MYO18B: variants seen among roughly 807,000 people sequenced by gnomAD.
MYO18B encodes unconventional myosin-XVIIIb.
A neutral mutation model predicts 273.0 loss-of-function variants in MYO18B; 204 were observed. That is an observed-to-expected ratio of 0.75 (90% CI 0.67 to 0.84). The LOEUF (loss-of-function observed/expected upper bound fraction) is 0.84. Ranked by LOEUF, MYO18B falls within the 40% of genes least tolerant of loss-of-function variation. The pLI is 0.00. For missense variants in MYO18B, 3,212 were observed against 3,287.6 expected (o/e 0.98, Z 0.56); for synonymous variants, 1,330 against 1,305.7 (o/e 1.02, Z -0.40).
At chr22:25,810,319 C>T (rs1006184254) in intron 12 of MYO18B, among the ~76,000 whole-genome samples, 21 of 150,132 alleles carry the variant, frequency 1.4e-4, no homozygotes, top group African/African-American at 5.2e-4. Context: ...AGGATGGTCT[C>T]GAGCTCCTGA....
At chr22:25,787,278 A>G (rs1399800807) in intron 11 of MYO18B, among the ~76,000 whole-genome samples, 10 of 7,486 alleles carry the variant, frequency 1.3e-3, no homozygotes, top group Middle Eastern at 0.083. Context: ...GCGCGCACAC[A>G]CACACACACA....
At chr22:25,999,918 G>C (rs1360793413) in intron 40 of MYO18B, among the ~76,000 whole-genome samples, 3 of 152,148 alleles carry the variant, frequency 2.0e-5, no homozygotes, top group African/African-American at 7.2e-5. Flanking sequence ...CTCCCAAAGT[G>C]CTGGGATTAC....
chr22:25,750,064 C>T (rs770740344), intron 1 of MYO18B, among the ~76,000 whole-genome samples: 4 of 152,174 alleles, frequency 2.6e-5, no homozygotes, highest in Non-Finnish European at 5.9e-5. Flanking sequence ...TCCTATCTGG[C>T]GCTTTACAGA....
chr22:26,004,908 G>C, intron 42 of MYO18B, 53 bp downstream of exon 42: 1 of 1,601,348 alleles, frequency 6.2e-7, no homozygotes, highest in Non-Finnish European at 8.5e-7. Flanking sequence ...AAGAATCTCA[G>C]ACTTTGAAAG....
intron 39 of MYO18B, among the ~76,000 whole-genome samples, chr22:25,968,058 C>T (rs2092997671): frequency 6.6e-6 from 1 of 152,176 alleles, no homozygotes; most frequent in African/African-American, 2.4e-5. Context: ...CATTCTCAGA[C>T]AGGCTTTCCC....
chr22:25,896,590 T>A (rs2091807752), intron 28 of MYO18B: 1 of 152,206 alleles, frequency 6.6e-6, no homozygotes, highest in African/African-American at 2.4e-5. Context: ...ACATTACAAA[T>A]CTAATGCAAT....
At chr22:25,912,156 G>A (rs2092170663) in intron 33 of MYO18B, among the ~76,000 whole-genome samples, 1 of 152,196 alleles carries the variant, frequency 6.6e-6, no homozygotes, top group African/African-American at 2.4e-5. Context: ...AAAACAAATT[G>A]ATTTAATGAG....
chr22:26,029,234 G>A (rs1936522555), intron 43 of MYO18B, among the ~76,000 whole-genome samples: 1 of 152,186 alleles, frequency 6.6e-6, no homozygotes, highest in Non-Finnish European at 1.5e-5. Context: ...TGCAGCTCAA[G>A]GCTCTGATGG....
At chr22:25,920,665 A>G (rs2092327389) in intron 33 of MYO18B, among the ~76,000 whole-genome samples, 1 of 152,258 alleles carries the variant, frequency 6.6e-6, no homozygotes, top group Admixed American at 6.5e-5. Context: ...CTTCAAAAGG[A>G]GCACATTTAC....
the MYO18B span, among the ~76,000 whole-genome samples, chr22:26,062,449 G>T: frequency 6.6e-6 from 1 of 152,116 alleles, no homozygotes; most frequent in East Asian, 1.9e-4. Flanking sequence ...TATTGGAATA[G>T]AAACCAAGCC....
intron 17 of MYO18B, among the ~76,000 whole-genome samples, chr22:25,838,479 C>T (rs2089973729): frequency 6.6e-6 from 1 of 152,228 alleles, no homozygotes; most frequent in South Asian, 2.1e-4. Flanking sequence ...GGATTACACA[C>T]ACACAGTCAT....
At chr22:25,844,061 T>C (rs936599322) in intron 18 of MYO18B, among the ~76,000 whole-genome samples, 167 bp downstream of exon 18, 10 of 152,320 alleles carry the variant, frequency 6.6e-5, no homozygotes, top group Middle Eastern at 3.4e-3. Flanking sequence ...AGCAGTGCAG[T>C]GTCTCCCTGG....
Position 25,908,330 on chromosome 22 carries a change from G to C in MYO18B, c.5157G>C (p.Gln1719His). 6.3e-7 allele frequency: 1 copy of C among 1,583,656 alleles called. No homozygotes were observed. The highest frequency in any genetic ancestry group is 1.7e-4 in the Middle Eastern group (1 of 6,036). The change falls in exon 32 of 44, where the codon CAG becomes CAC. Residue 1719 changes from glutamine (Q) to histidine (H), a missense_variant. Gln to His is a conservative substitution (Grantham distance 24). Coordinates refer to ENST00000335473, the MANE Select transcript of MYO18B (RefSeq NM_032608.7). ...NTIKQLEQLR[Q>H]RFELEIERMK... Reference sequence around the variant, plus strand: ...CCTTGCTGCCCCCGCAGCTCCGCCAGCGGTTTGAGCTGGAGATCGAGCGGA... The same window carrying C: ...CCTTGCTGCCCCCGCAGCTCCGCCACCGGTTTGAGCTGGAGATCGAGCGGA...
At chr22:25,989,058 C>T (rs1329715761) in intron 39 of MYO18B, among the ~76,000 whole-genome samples, 1 of 152,210 alleles carries the variant, frequency 6.6e-6, no homozygotes, top group African/African-American at 2.4e-5. Flanking sequence ...CTGTCTCTCT[C>T]CTCTACCCTC....
intron 12 of MYO18B, among the ~76,000 whole-genome samples, chr22:25,817,808 A>G (rs2089102488): frequency 6.6e-6 from 1 of 152,232 alleles, no homozygotes; most frequent in South Asian, 2.1e-4. Flanking sequence ...CCAAATTGAT[A>G]TGATACAATA....
chr22:25,783,345 C>T (rs8142661), intron 10 of MYO18B, among the ~76,000 whole-genome samples: 82,687 of 152,102 alleles, frequency 0.54, 23,148 homozygotes, highest in Admixed American at 0.61. Flanking sequence ...TAAATGAGAT[C>T]GCATGTCAAG....
chr22:25,836,241 G>A (rs1601293008), intron 17 of MYO18B, among the ~76,000 whole-genome samples: 1 of 152,294 alleles, frequency 6.6e-6, no homozygotes, highest in South Asian at 2.1e-4. Context: ...ATGATGTGGG[G>A]CAAACCTCTC....
intron 13 of MYO18B, among the ~76,000 whole-genome samples, chr22:25,825,941 A>G (rs192721938): frequency 2.6e-5 from 4 of 152,342 alleles, no homozygotes; most frequent in Admixed American, 1.3e-4. Context: ...AGTGTCTGCT[A>G]TGTGCCAGAC....
intron 12 of MYO18B, 137 bp from the exon 13 acceptor site, chr22:25,823,368 C>A: frequency 3.4e-6 from 3 of 890,278 alleles, no homozygotes; most frequent in Non-Finnish European, 5.0e-6. Context: ...CAGGCCTGGG[C>A]AGTTGTCCAA....
Sources: allele counts gnomAD v4.1 joint callset (sites outside exome capture counted in the v4.1 genomes callset), GRCh38; gene constraint gnomAD v4.1.1; transcripts MANE v1.5; gene names NCBI Gene and HGNC (gene_info 2026-07-23, HGNC 2026-07-21).